CRB3: variants seen among roughly 807,000 people sequenced by gnomAD.
CRB3 encodes protein crumbs homolog 3.
In CRB3, 4 loss-of-function variants were observed where a neutral mutation model predicts 10.4. That is an observed-to-expected ratio of 0.39 (90% CI 0.19 to 0.88). CRB3 has a LOEUF of 0.88. CRB3 is among the 40% of genes least tolerant of loss of function. The pLI is 0.39. For synonymous variants in CRB3, 74 were observed against 73.4 expected, an observed-to-expected ratio of 1.01 and a Z score of -0.04; for missense variants, 154 against 160.2, an observed-to-expected ratio of 0.96 and a Z score of 0.21.
At chr19:6,465,095 A>G (rs1036262260) in intron 2 of CRB3, 24 of 307,180 alleles carry the variant, frequency 7.8e-5, no homozygotes, top group Non-Finnish European at 6.0e-6. Context: ...GTCTTGGTAT[A>G]GTGCAGGTGT....
Position 6,467,130 on chromosome 19 carries a change from G to C in CRB3, c.*458G>C. 2 of 953,226 alleles carry C rather than the reference G, an allele frequency of 2.1e-6. No individual in the cohort carries two copies. The highest frequency in any genetic ancestry group is 3.2e-6 in the Non-Finnish European group (2 of 617,144). 59.0% of individuals were successfully genotyped at this position (953,226 alleles called of 1,614,324 possible). A position where few individuals can be genotyped will look rare whatever the true frequency, so the allele number is the denominator to read the frequency against. ...CCAGTGCTTAATAGCAGGGAAGAAG[G>C]TACTTCAAAGACTCTGCCCCTGAGG... On this transcript the variant is annotated 3_prime_UTR_variant, in exon 4 of 4. Transcript: ENST00000600229.
At position 6,466,791 on chromosome 19, in the gene CRB3, C is replaced by T. The variant is rs550801523; in HGVS notation, c.*119C>T. 9 of 1,549,406 alleles carry T rather than the reference C, an allele frequency of 5.8e-6. No homozygotes were observed. The African/African-American group carries it at 8.2e-5, about 14-fold the overall frequency. On this transcript the variant is annotated 3_prime_UTR_variant, in exon 4 of 4. Transcript: ENST00000600229. This position sits in a 1 kb window ranked among gnomAD's most constrained non-coding sequence, Gnocchi z 4.9. ...GCTCAGGAGGACTTGTGGGGAGAGG[C>T]TGGGGGCACCCATGTGGTGGGCTCT...
intron 3 of CRB3, among the ~76,000 whole-genome samples, chr19:6,465,866 G>A (rs546905585): frequency 6.6e-6 from 1 of 152,214 alleles, no homozygotes; most frequent in South Asian, 2.1e-4. Context: ...CTCTCAGGTG[G>A]GTGGGGGAGC....
In CRB3 at chr19:6,464,878, G is replaced by C; in HGVS notation, c.82+95G>C. On this transcript the variant is annotated intron_variant, in intron 2 of 3. Coordinates refer to ENST00000600229, the MANE Select transcript of CRB3 (RefSeq NM_139161.5). The surrounding 1 kb of genome is among the most constrained non-coding windows in gnomAD (Gnocchi z 5.3). ...AGAAGCGCTGGGTATCTGGGGCGCA[G>C]AGAGGGTCAAGAATTGGGGAGCGGG... The C allele has an allele frequency of 8.7e-6, 6 of 690,744 alleles. No homozygotes were observed. The highest frequency in any genetic ancestry group is 1.0e-5 in the Non-Finnish European group (5 of 492,262). 42.8% of individuals were successfully genotyped at this position (690,744 alleles called of 1,614,324 possible).
chr19:6,464,812 G>C lies in CRB3; in HGVS notation c.82+29G>C, dbSNP rs1160246456. 8.3e-7 allele frequency: 1 copy of C among 1,211,016 alleles called. No homozygotes were observed. Among genetic ancestry groups the C allele is most frequent in the Non-Finnish European group, 1.0e-6 (1 of 961,554 alleles). The allele number at this position is 1,211,016 out of a possible 1,614,324, so 75.0% of individuals were successfully genotyped here. ...GGTACCAGCTGAGAGCGCTGGGGGG[G>C]AGGGGTCTGGATTCCTGGATCTCTG... On this transcript the variant is annotated intron_variant, in intron 2 of 3. Transcript: ENST00000600229. This position sits in a 1 kb window ranked among gnomAD's most constrained non-coding sequence, Gnocchi z 5.3.
chr19:6,466,785 G>T lies in CRB3; in HGVS notation c.*113G>T, dbSNP rs571611409. The T allele has an allele frequency of 6.5e-7, 1 of 1,549,778 alleles. No homozygotes were observed. The highest frequency in any genetic ancestry group is 1.2e-5 in the South Asian group (1 of 82,354). On this transcript the variant is annotated 3_prime_UTR_variant, in exon 4 of 4. Coordinates refer to ENST00000600229, the MANE Select transcript of CRB3 (RefSeq NM_139161.5). This position sits in a 1 kb window ranked among gnomAD's most constrained non-coding sequence, Gnocchi z 4.9. ...CTGATGGCTCAGGAGGACTTGTGGG[G>T]AGAGGCTGGGGGCACCCATGTGGTG...
Position 6,464,676 on chromosome 19 carries a change from G to T in CRB3, c.-26G>T, listed in dbSNP as rs911471678. ...GGCGAGCGCGAGAAGCCCCTTCCTC[G>T]GCGCTGCCAACCCGCCACCCAGCCC... On this transcript the variant is annotated 5_prime_UTR_variant, in exon 2 of 4. Coordinates refer to ENST00000600229, the MANE Select transcript of CRB3 (RefSeq NM_139161.5). This position sits in a 1 kb window ranked among gnomAD's most constrained non-coding sequence, Gnocchi z 5.3. 3 of 1,227,792 alleles carry T rather than the reference G, an allele frequency of 2.4e-6. No individual in the cohort carries two copies. The highest frequency in any genetic ancestry group is 4.1e-5 in the South Asian group (1 of 24,300). 76.1% of individuals were successfully genotyped at this position (1,227,792 alleles called of 1,614,324 possible).
At chr19:6,465,424 C>A in intron 2 of CRB3, 121 bp from the exon 3 acceptor site, 1 of 811,482 alleles carries the variant, frequency 1.2e-6, no homozygotes, top group Non-Finnish European at 2.2e-6. Flanking sequence ...GAATGAAAGG[C>A]AGAGTTTGAA....
In CRB3 at chr19:6,464,430, C is replaced by T. The variant is rs2092785009; in HGVS notation, c.-95+80C>T. ...GTCCCGTCCCGTCCCGTCCCGTCCC[C>T]TTCCTTTCCCCAGCCCAGGAACGCG... On this transcript the variant is annotated intron_variant, in intron 1 of 3. Coordinates refer to ENST00000600229, the MANE Select transcript of CRB3 (RefSeq NM_139161.5). This position sits in a 1 kb window ranked among gnomAD's most constrained non-coding sequence, Gnocchi z 5.3. 5 of 347,570 alleles carry T rather than the reference C, an allele frequency of 1.4e-5. 1 individual carries two copies. Among genetic ancestry groups the T allele is most frequent in the African/African-American group, 6.3e-5 (3 of 47,362 alleles). The allele number at this position is 347,570 out of a possible 1,614,324, so 21.5% of individuals were successfully genotyped here.
chr19:6,464,002 C>G (rs1007944197), upstream of CRB3: 1 of 152,206 alleles, frequency 6.6e-6, no homozygotes. This position sits in a 1 kb window ranked among gnomAD's most constrained non-coding sequence, Gnocchi z 5.3. Context: ...ATACCCCGTG[C>G]GTCTCCACAC....
Position 6,466,133 on chromosome 19 carries a change from G to A in CRB3, c.157-333G>A, listed in dbSNP as rs1169600962. On this transcript the variant is annotated intron_variant, in intron 3 of 3. Transcript: ENST00000600229. The surrounding 1 kb of genome is among the most constrained non-coding windows in gnomAD (Gnocchi z 4.9). ...GGGGAATTGCTTGAGCCCAGAAGGC[G>A]GAGGTTGCAGTGAGCCGAGATTGTG... is the stretch of plus-strand genomic sequence containing the variant. 2.0e-5 allele frequency among the ~76,000 whole-genome samples: 3 copies of A among 152,060 alleles called. No homozygotes were observed. The highest frequency in any genetic ancestry group is 6.6e-5 in the Admixed American group (1 of 15,250).
In CRB3 at chr19:6,466,466, C is replaced by A; in HGVS notation, c.157C>A (p.Arg53Ser). Residue 53 changes from arginine to serine, a missense_variant and splice_region_variant, in exon 4 of 4, where the codon CGT becomes AGT. Transcript: ENST00000600229. The surrounding 1 kb of genome is among the most constrained non-coding windows in gnomAD (Gnocchi z 4.9). The stretch of plus-strand genomic sequence containing the variant: ...ATTCACACCTGTCCCCTCTCTGCAG[C>A]GTCCAGAAGCCATCACTGCTATCAT... Reference protein sequence around the residue: ...STSSSSDGNLRPEAITAIIVV... With the variant: ...STSSSSDGNLSPEAITAIIVV... The A allele has an allele frequency of 1.2e-6, 2 of 1,613,350 alleles. No homozygotes were observed. Among genetic ancestry groups the A allele is most frequent in the Non-Finnish European group, 1.7e-6 (2 of 1,179,858 alleles).
At position 6,466,984 on chromosome 19, in the gene CRB3, G is replaced by T. The variant is rs774497602; in HGVS notation, c.*312G>T. The T allele has an allele frequency of 4.3e-6, 7 of 1,613,936 alleles. No homozygotes were observed. Among genetic ancestry groups the T allele is most frequent in the African/African-American group, 2.7e-5 (2 of 74,892 alleles). On this transcript the variant is annotated 3_prime_UTR_variant, in exon 4 of 4. Coordinates refer to ENST00000600229, the MANE Select transcript of CRB3 (RefSeq NM_139161.5). This position sits in a 1 kb window ranked among gnomAD's most constrained non-coding sequence, Gnocchi z 4.9. Reference sequence around the variant, plus strand: ...TGCAGCCGAGGCCCGGGCCCCTCAGGACTCCAAGGAGACGGTGCAGGGCTG... The same window carrying T: ...TGCAGCCGAGGCCCGGGCCCCTCAGTACTCCAAGGAGACGGTGCAGGGCTG...
At chr19:6,465,914 G>A (rs1034646851) in intron 3 of CRB3, among the ~76,000 whole-genome samples, 2 of 152,030 alleles carry the variant, frequency 1.3e-5, no homozygotes, top group Admixed American at 6.6e-5. Context: ...GAAAGCAGGA[G>A]TCCCGGCCGG....
At chr19:6,465,522 T>C in intron 2 of CRB3, 23 bp from the exon 3 acceptor site, 1 of 1,604,714 alleles carries the variant, frequency 6.2e-7, no homozygotes, top group Non-Finnish European at 8.5e-7. Flanking sequence ...GACTGAGTTA[T>C]TCTCTGCCTT....
rs1053845078 is a variant in CRB3, at chr19:6,464,282, G to A, written c.-163G>A. 1.2e-5 allele frequency: 2 copies of A among 160,354 alleles called. No individual in the cohort carries two copies. Among genetic ancestry groups the A allele is most frequent in the Non-Finnish European group, 2.7e-5 (2 of 73,778 alleles). 9.9% of individuals were successfully genotyped at this position (160,354 alleles called of 1,614,324 possible). On this transcript the variant is annotated 5_prime_UTR_variant, in exon 1 of 4. Transcript: ENST00000600229. This position sits in a 1 kb window ranked among gnomAD's most constrained non-coding sequence, Gnocchi z 5.3. ...GTGGGGTCGGACCCACAGAACGACC[G>A]ACGGACCGAGGGTTCGAGGGAGGGA...
Position 6,467,150 on chromosome 19 carries a change from C to G in CRB3, c.*478C>G. ...AGAAGGTACTTCAAAGACTCTGCCC[C>G]TGAGGTCAAGAGAGGATGGGGCTAT... On this transcript the variant is annotated 3_prime_UTR_variant, in exon 4 of 4. Coordinates refer to ENST00000600229, the MANE Select transcript of CRB3 (RefSeq NM_139161.5). 1.3e-6 allele frequency: 1 copy of G among 797,932 alleles called. No homozygotes were observed. The highest frequency in any genetic ancestry group is 2.5e-5 in the East Asian group (1 of 39,554). The allele number at this position is 797,932 out of a possible 1,614,324, so 49.4% of individuals were successfully genotyped here.
At position 6,467,148 on chromosome 19, in the gene CRB3, C is replaced by G. The variant is rs2092799740; in HGVS notation, c.*476C>G. 1.2e-5 allele frequency: 10 copies of G among 805,774 alleles called. No individual in the cohort carries two copies. In the South Asian group the frequency reaches 1.6e-4, roughly 13 times the overall value. The allele number at this position is 805,774 out of a possible 1,614,324, so 49.9% of individuals were successfully genotyped here. On this transcript the variant is annotated 3_prime_UTR_variant, in exon 4 of 4. Transcript: ENST00000600229. The stretch of plus-strand genomic sequence containing the variant: ...GAAGAAGGTACTTCAAAGACTCTGC[C>G]CCTGAGGTCAAGAGAGGATGGGGCT...
At chr19:6,463,848 C>T (rs1324209325), upstream of CRB3, 1 of 152,128 alleles carries the variant, frequency 6.6e-6, no homozygotes. Context: ...GGACTCCTGG[C>T]CTCAAGCAAT....
Sources: allele counts gnomAD v4.1 joint callset (sites outside exome capture counted in the v4.1 genomes callset), GRCh38; gene constraint gnomAD v4.1.1; non-coding constraint Gnocchi (gnomAD v3.1); transcripts MANE v1.5; gene names NCBI Gene and HGNC (gene_info 2026-07-23, HGNC 2026-07-21).